CRYM: variants seen among roughly 807,000 people sequenced by gnomAD.
CRYM encodes the protein crystallin mu, also known as ketimine reductase mu-crystallin.
CRYM carries 18 observed loss-of-function variants against 32.9 expected under a neutral mutation model. The ratio of observed to expected loss-of-function variants is 0.55; its 90% confidence interval spans 0.38 to 0.81. The LOEUF (loss-of-function observed/expected upper bound fraction) is 0.81, where lower values mean the gene tolerates loss of function less well. CRYM is among the 30% of genes least tolerant of loss of function. The pLI is 0.00. For synonymous variants in CRYM, 153 were observed against 152.4 expected (o/e 1.00, Z -0.03); for missense variants, 337 against 393.5 (o/e 0.86, Z 1.21).
At position 21,277,330 on chromosome 16, in the gene CRYM, C is replaced by G. The variant is rs79216950; in HGVS notation, c.324+101G>C. The G allele has an allele frequency of 5.3e-3, 6,608 of 1,250,418 alleles. 250 individuals carry two copies. The African/African-American group carries it at 0.083, about 16-fold the overall frequency. The allele number at this position is 1,250,418 out of a possible 1,614,324, so 77.5% of individuals were successfully genotyped here. A position where few individuals can be genotyped will look rare whatever the true frequency, so the allele number is the denominator to read the frequency against. On this transcript the variant is annotated intron_variant, in intron 2 of 7. Coordinates refer to ENST00000572914, the MANE Select transcript of CRYM (RefSeq NM_001376256.1). This position sits in a 1 kb window ranked among gnomAD's most constrained non-coding sequence, Gnocchi z 4.2. ...ATCCAGTCACTTGCAGAGGGGCACG[C>G]GTAGTCACAATCAAGACTCCCCCTG...
Position 21,258,804 on chromosome 16 carries a change from C to T in CRYM, c.922G>A (p.Asp308Asn). The T allele has an allele frequency of 1.2e-6, 2 of 1,614,142 alleles. No individual in the cohort carries two copies. The highest frequency in any genetic ancestry group is 1.7e-6 in the Non-Finnish European group (2 of 1,179,992). Residue 308 changes from aspartate (D) to asparagine (N), a missense_variant, in exon 8 of 8, where the codon GAT becomes AAT. By Grantham distance (23) the Asp-to-Asn change is conservative. Coordinates refer to ENST00000572914, the MANE Select transcript of CRYM (RefSeq NM_001376256.1). ...TTTTATTTACCAGATGACCAGGAAT[C>T]ATAGATGAGTTTGGCTGCAACTGTG... ...EDTVAAKLIY[D>N]SWSSGK
At chr16:21,295,116 C>T (rs1436811001) in intron 1 of CRYM, among the ~76,000 whole-genome samples, 1 of 152,128 alleles carries the variant, frequency 6.6e-6, no homozygotes, top group African/African-American at 2.4e-5. Flanking sequence ...GCAAATAGTG[C>T]TGCGATAAAC....
intron 7 of CRYM, among the ~76,000 whole-genome samples, chr16:21,260,484 G>A (rs1313490748): frequency 6.6e-6 from 1 of 152,158 alleles, no homozygotes; most frequent in African/African-American, 2.4e-5. Flanking sequence ...ATTTTTAGTA[G>A]AGATGGAGTT....
At chr16:21,275,372 T>C (rs941023440) in intron 3 of CRYM, among the ~76,000 whole-genome samples, 160 bp downstream of exon 3, 1 of 152,220 alleles carries the variant, frequency 6.6e-6, no homozygotes, top group African/African-American at 2.4e-5. Flanking sequence ...TGGTAGCTAA[T>C]AATTTCGTGA....
intron 5 of CRYM, among the ~76,000 whole-genome samples, chr16:21,266,633 T>C (rs2093364262): frequency 6.6e-6 from 1 of 152,200 alleles, no homozygotes; most frequent in Non-Finnish European, 1.5e-5. Flanking sequence ...TAAGAAAAAG[T>C]GACTCATTTG....
At position 21,275,569 on chromosome 16, in the gene CRYM, G is replaced by A. The variant is rs753501714; in HGVS notation, c.350C>T (p.Ala117Val). Residue 117 changes from alanine (A) to valine (V), a missense_variant, in exon 3 of 8, where the codon GCA becomes GTA. By Grantham distance (64) the Ala-to-Val change is moderately conservative (BLOSUM62 0). Transcript: ENST00000572914. ...LAVMDGNVIT[A>V]KRTAAVSAIA... ...GGCAGAAACTGCAGCTGTTCTCTTT[G>A]CAGTTATGACATTTCCATCCATGAC... 1 of 1,614,068 alleles carries A rather than the reference G, an allele frequency of 6.2e-7. No individual in the cohort carries two copies. Among genetic ancestry groups the A allele is most frequent in the East Asian group, 2.2e-5 (1 of 44,882 alleles).
At chr16:21,271,047 A>G (rs1330494502) in intron 3 of CRYM, among the ~76,000 whole-genome samples, 1 of 152,224 alleles carries the variant, frequency 6.6e-6, no homozygotes, top group African/African-American at 2.4e-5. Context: ...GTACATACCT[A>G]CTATGACCTA....
chr16:21,274,945 G>A (rs942216165), intron 3 of CRYM, among the ~76,000 whole-genome samples: 5 of 152,184 alleles, frequency 3.3e-5, no homozygotes, highest in Admixed American at 3.3e-4. Flanking sequence ...CCTCCCCTGT[G>A]TGTGCCCCTC....
chr16:21,262,268 C>T, intron 5 of CRYM, 110 bp from the exon 6 acceptor site: 1 of 1,344,250 alleles, frequency 7.4e-7, no homozygotes, highest in Non-Finnish European at 1.1e-6. Context: ...CACTCAGATT[C>T]AAAATACCCC....
At chr16:21,296,101 C>T (rs181572319) in intron 1 of CRYM, among the ~76,000 whole-genome samples, 65 of 152,216 alleles carry the variant, frequency 4.3e-4, no homozygotes, top group African/African-American at 1.6e-3. Flanking sequence ...CCATGTCCAG[C>T]TAATTTTTGT....
At chr16:21,286,216 C>T (rs1477163224) in intron 1 of CRYM, among the ~76,000 whole-genome samples, 4 of 142,684 alleles carry the variant, frequency 2.8e-5, no homozygotes, top group Admixed American at 1.4e-4. Flanking sequence ...TAGTTAAAGA[C>T]AGAATTTTTT....
At chr16:21,294,696 T>C (rs1960749475) in intron 1 of CRYM, among the ~76,000 whole-genome samples, 1 of 151,360 alleles carries the variant, frequency 6.6e-6, no homozygotes, top group South Asian at 2.1e-4. Context: ...TCCTTTTTTT[T>C]TTTTTTTCTT....
rs755634247 is a variant in CRYM at position 21,278,134 on chromosome 16, C to T, written c.118G>A (p.Gly40Arg). Residue 40 changes from glycine (G) to arginine (R), a missense_variant, in exon 1 of 8, where the codon GGA becomes AGA. Transcript: ENST00000572914. ...GTGCGCACGGGCTGCATGACCCCTC[C>T]TTCGGGACCGCTGGAGAAGTTGGCC... ...ALANFSSGPEGGVMQPVRTVV... is the reference protein window; with the variant it reads ...ALANFSSGPERGVMQPVRTVV... 13 of 1,550,238 alleles carry T rather than the reference C, an allele frequency of 8.4e-6. No individual in the cohort carries two copies. In the South Asian group the frequency reaches 9.5e-5, roughly 11 times the overall value.
chr16:21,281,914 A>T (rs1364320014), upstream of CRYM, among the ~76,000 whole-genome samples: 1 of 152,166 alleles, frequency 6.6e-6, no homozygotes, highest in South Asian at 2.1e-4. Context: ...CAACCTGTTG[A>T]GCATAAAGCT....
At chr16:21,280,285 C>T (rs976602289), upstream of CRYM, among the ~76,000 whole-genome samples, 1 of 152,112 alleles carries the variant, frequency 6.6e-6, no homozygotes, top group Non-Finnish European at 1.5e-5. Context: ...GAGGCTGAGG[C>T]AGGAGAATTG....
At chr16:21,293,854 T>C (rs1158500529) in intron 1 of CRYM, among the ~76,000 whole-genome samples, 1 of 152,162 alleles carries the variant, frequency 6.6e-6, no homozygotes, top group Non-Finnish European at 1.5e-5. Context: ...TATTGTTGGT[T>C]CAGATAATCA....
upstream of CRYM, among the ~76,000 whole-genome samples, chr16:21,281,158 A>G (rs2093397489): frequency 6.6e-6 from 1 of 151,580 alleles, no homozygotes; most frequent in Non-Finnish European, 1.5e-5. Context: ...ATACACAAAC[A>G]TATATGTATA....
upstream of CRYM, among the ~76,000 whole-genome samples, chr16:21,280,777 T>C (rs1056872826): frequency 6.6e-6 from 1 of 152,168 alleles, no homozygotes; most frequent in African/African-American, 2.4e-5. Context: ...AGCAATATTT[T>C]TGTTTTTGTT....
At chr16:21,296,671 C>A (rs1169011257) in intron 1 of CRYM, among the ~76,000 whole-genome samples, 2 of 152,154 alleles carry the variant, frequency 1.3e-5, no homozygotes, top group African/African-American at 4.8e-5. Context: ...AGATCGAGTG[C>A]AGATTTTGTA....
Sources: gnomAD v4.1 joint callset for allele counts (sites outside exome capture counted in the v4.1 genomes callset) on GRCh38, gnomAD v4.1.1 for gene constraint, Gnocchi (gnomAD v3.1) non-coding constraint, MANE v1.5 for transcripts, NCBI Gene and HGNC (gene_info 2026-07-23, HGNC 2026-07-21) for gene names.